ZFYVE9: variants seen among roughly 807,000 people sequenced by gnomAD.
ZFYVE9 encodes zinc finger FYVE-type containing 9, also known as zinc finger FYVE domain-containing protein 9.
ZFYVE9 carries 43 observed loss-of-function variants against 126.7 expected under a neutral mutation model. That is an observed-to-expected ratio of 0.34 (90% CI 0.27 to 0.44). The LOEUF (loss-of-function observed/expected upper bound fraction) is 0.44, where lower values mean the gene tolerates loss of function less well. Ranked by LOEUF, ZFYVE9 falls within the 20% of genes least tolerant of loss-of-function variation. The probability of loss-of-function intolerance (pLI) is 1.00; values close to 1 mark genes in which losing one functional copy is unlikely to be tolerated. For missense variants in ZFYVE9, 1,476 were observed against 1,697.0 expected (o/e 0.87, Z 2.29); for synonymous variants, 521 against 597.4 (o/e 0.87, Z 1.87).
rs539140361 is a variant in ZFYVE9 at position 52,198,813 on chromosome 1, C to T, written c.-142-17556C>T. Among the ~76,000 whole-genome samples, 6 of 152,296 alleles carry T rather than the reference C, an allele frequency of 3.9e-5. No individual in the cohort carries two copies. In the South Asian group the frequency reaches 1.0e-3, roughly 26 times the overall value. On this transcript the variant is annotated intron_variant, in intron 1 of 18. Transcript: ENST00000287727. ...ATTTCCTGTGTACCTCCTGCCCTCA[C>T]CCACGTATAGCCTCCGCCATTATCA...
chr1:52,343,074 TTTTTTTTGTTTTTTG>T (rs1225600764), intron 17 of ZFYVE9, among the ~76,000 whole-genome samples: 4 of 151,486 alleles, frequency 2.6e-5, no homozygotes, highest in African/African-American at 9.7e-5. Context: ...GCCCGGCTAA[TTTTTTTTGTTTTTTG>T]TTTTTTGTAT....
intron 13 of ZFYVE9, among the ~76,000 whole-genome samples, chr1:52,311,296 C>T (rs1033038182): frequency 7.4e-6 from 1 of 135,778 alleles, no homozygotes; most frequent in African/African-American, 2.8e-5. Context: ...TGGAGTTTCA[C>T]TCTTGTCACC....
chr1:52,181,305 C>T (rs1020742804), intron 1 of ZFYVE9, among the ~76,000 whole-genome samples: 1 of 152,256 alleles, frequency 6.6e-6, no homozygotes, highest in Non-Finnish European at 1.5e-5. Context: ...GGCTGGTCTC[C>T]AGCTCCTAAC....
intron 1 of ZFYVE9, among the ~76,000 whole-genome samples, chr1:52,202,863 T>A (rs1644937036): frequency 6.6e-6 from 1 of 151,268 alleles, no homozygotes; most frequent in Non-Finnish European, 1.5e-5. Context: ...TTTTTGTATT[T>A]TTAGTAGAGA....
At chr1:52,155,711 A>G (rs1410781426) in intron 1 of ZFYVE9, among the ~76,000 whole-genome samples, 2 of 152,174 alleles carry the variant, frequency 1.3e-5, no homozygotes, top group African/African-American at 2.4e-5. Flanking sequence ...GCCCCTACTC[A>G]ATACTAGCAG....
At chr1:52,309,473 T>C (rs1646118263) in intron 13 of ZFYVE9, among the ~76,000 whole-genome samples, 1 of 152,076 alleles carries the variant, frequency 6.6e-6, no homozygotes, top group South Asian at 2.1e-4. Context: ...AGTGAGACCC[T>C]GTCTCAAAAA....
chr1:52,197,071 T>A (rs1158978066), intron 1 of ZFYVE9, among the ~76,000 whole-genome samples: 2 of 151,978 alleles, frequency 1.3e-5, no homozygotes, highest in African/African-American at 4.8e-5. Flanking sequence ...GGAGAATGGA[T>A]TGGAGGAGGA....
In ZFYVE9 at chr1:52,218,510, C is replaced by T. The variant is rs77948542; in HGVS notation, c.-37+2036C>T. Among the ~76,000 whole-genome samples the T allele has an allele frequency of 2.1e-3, 315 of 152,284 alleles. 15 individuals carry two copies. In the East Asian group the frequency reaches 0.056, roughly 27 times the overall value. On this transcript the variant is annotated intron_variant, in intron 2 of 18. Transcript: ENST00000287727. ...GTGAGTGGCACATGACATGTTTCCC[C>T]AGGCTGTGGGGTGCTGGAAGAGAGC...
chr1:52,284,907 T>C (rs1053509607), intron 10 of ZFYVE9, among the ~76,000 whole-genome samples: 22 of 152,130 alleles, frequency 1.4e-4, no homozygotes, highest in African/African-American at 5.1e-4. Flanking sequence ...CACGAACATA[T>C]ATATGTATAT....
chr1:52,176,409 G>T (rs1036431593), intron 1 of ZFYVE9, among the ~76,000 whole-genome samples: 4 of 152,208 alleles, frequency 2.6e-5, no homozygotes, highest in East Asian at 1.9e-4. Context: ...TGCCCCTACT[G>T]GGGGGTGTCT....
At chr1:52,256,354 A>C (rs1444604169) in intron 4 of ZFYVE9, among the ~76,000 whole-genome samples, 3 of 149,550 alleles carry the variant, frequency 2.0e-5, no homozygotes, top group African/African-American at 4.9e-5. Flanking sequence ...GGCATGAGCC[A>C]CCATGCCCGG....
intron 1 of ZFYVE9, chr1:52,179,756 TA>T (rs1157778619): frequency 4.7e-6 from 2 of 428,310 alleles, no homozygotes; most frequent in Non-Finnish European, 4.3e-6. Flanking sequence ...AGGAGAGTTT[TA>T]AAAAAGAGTG....
intron 12 of ZFYVE9, among the ~76,000 whole-genome samples, chr1:52,299,014 T>A (rs987785496): frequency 6.6e-6 from 1 of 151,988 alleles, no homozygotes; most frequent in African/African-American, 2.4e-5. Context: ...TTCACTGTGT[T>A]AGCCAGGATG....
chr1:52,309,373 G>A (rs1646117207), intron 13 of ZFYVE9, among the ~76,000 whole-genome samples: 1 of 152,192 alleles, frequency 6.6e-6, no homozygotes, highest in Non-Finnish European at 1.5e-5. Flanking sequence ...CAGCTACTTG[G>A]GAGGCTGAGG....
At chr1:52,264,015 A>G (rs1180083601) in intron 5 of ZFYVE9, 143 bp downstream of exon 5, 1 of 441,464 alleles carries the variant, frequency 2.3e-6, no homozygotes, top group African/African-American at 2.1e-5. Flanking sequence ...ATTTAGCTAA[A>G]TTTCCATGTT....
chr1:52,290,914 C>T (rs1294795201), intron 10 of ZFYVE9, among the ~76,000 whole-genome samples: 2 of 152,186 alleles, frequency 1.3e-5, no homozygotes, highest in Middle Eastern at 3.4e-3. Context: ...TTTCTCCTCC[C>T]ATTTTACATG....
intron 13 of ZFYVE9, among the ~76,000 whole-genome samples, chr1:52,324,271 A>ACACG (rs1646270105): frequency 2.6e-5 from 4 of 151,142 alleles, no homozygotes; most frequent in Admixed American, 2.0e-4. Flanking sequence ...ACACACACAC[A>ACACG]CAAAAACAAA....
intron 4 of ZFYVE9, chr1:52,253,947 G>A: frequency 1.1e-6 from 1 of 903,026 alleles, no homozygotes; most frequent in Non-Finnish European, 1.9e-6. Context: ...AAGAAATTCG[G>A]CAACTTGAAT....
chr1:52,175,553 C>T (rs1481224571), intron 1 of ZFYVE9, among the ~76,000 whole-genome samples: 17 of 150,556 alleles, frequency 1.1e-4, no homozygotes, highest in South Asian at 2.1e-4. Context: ...TGTTGGCCTG[C>T]CTTGCTAGAT....
Sources: allele counts gnomAD v4.1 joint callset (sites outside exome capture counted in the v4.1 genomes callset), GRCh38; gene constraint gnomAD v4.1.1; transcripts MANE v1.5; gene names NCBI Gene and HGNC (gene_info 2026-07-23, HGNC 2026-07-21).